CDH12: variants seen among roughly 807,000 people sequenced by gnomAD.
CDH12 encodes the protein cadherin-12.
In CDH12, 41 loss-of-function variants were observed where a neutral mutation model predicts 74.1. That is an observed-to-expected ratio of 0.55 (90% CI 0.43 to 0.72). CDH12 has a LOEUF of 0.72. Among genes scored for constraint, CDH12 ranks in the 30% least tolerant of loss-of-function variants. CDH12 has a pLI of 0.00. For missense variants in CDH12, 945 were observed against 977.2 expected (o/e 0.97, Z 0.44); for synonymous variants, 399 against 355.0 (o/e 1.12, Z -1.39).
At chr5:22,588,955 A>T (rs573533256) in intron 1 of CDH12, among the ~76,000 whole-genome samples, 85 of 152,280 alleles carry the variant, frequency 5.6e-4, no homozygotes, top group African/African-American at 1.9e-3. Context: ...TACTATCTTT[A>T]AAAAATAGTT....
chr5:22,382,268 T>C (rs1741796577), intron 3 of CDH12, among the ~76,000 whole-genome samples: 1 of 147,070 alleles, frequency 6.8e-6, no homozygotes, highest in Non-Finnish European at 1.5e-5. Flanking sequence ...ATAGAATACA[T>C]ATTATATATA....
chr5:22,232,102 C>CA (rs1752406055), intron 3 of CDH12, among the ~76,000 whole-genome samples: 1 of 151,658 alleles, frequency 6.6e-6, no homozygotes, highest in African/African-American at 2.4e-5. Flanking sequence ...TGTTTTATCA[C>CA]ATTTCATATA....
At chr5:22,581,706 A>G (rs1335138594) in intron 1 of CDH12, among the ~76,000 whole-genome samples, 1 of 152,214 alleles carries the variant, frequency 6.6e-6, no homozygotes, top group African/African-American at 2.4e-5. Context: ...ATGAGCCTGG[A>G]AAAACTGCAG....
At chr5:22,684,915 C>G (rs1378339913) in intron 1 of CDH12, among the ~76,000 whole-genome samples, 1 of 152,128 alleles carries the variant, frequency 6.6e-6, no homozygotes, top group Non-Finnish European at 1.5e-5. Context: ...CCAGACATGA[C>G]ACATGAGTTT....
At position 22,082,033 on chromosome 5, in the gene CDH12, A is replaced by G. The variant is rs181977112; in HGVS notation, c.-186-3171T>C. ...AACCAAGGATAGTACCGAAGCTGTT[A>G]TCTGTCAATCTGAACACATCTCTGT... On this transcript the variant is annotated intron_variant, in intron 4 of 14. Coordinates refer to ENST00000382254, the MANE Select transcript of CDH12 (RefSeq NM_004061.5). Among the ~76,000 whole-genome samples, 321 of 152,324 alleles carry G rather than the reference A, an allele frequency of 2.1e-3. 2 individuals are homozygous for G. Among genetic ancestry groups the G allele is most frequent in the Non-Finnish European group, 2.1e-3 (144 of 68,038 alleles).
rs115254189 is a variant in CDH12, at chr5:22,824,204, T to C, written c.-523+28854A>G. Among the ~76,000 whole-genome samples the C allele has an allele frequency of 4.6e-3, 706 of 152,258 alleles. 9 individuals are homozygous for C. Among genetic ancestry groups the C allele is most frequent in the African/African-American group, 0.016 (673 of 41,570 alleles). ...AAAGATTGTATACAAAGCAAAAATA[T>C]TCTTTACCAGTAGTAATGGTGAAAC... On this transcript the variant is annotated intron_variant, in intron 1 of 14. Coordinates refer to ENST00000382254, the MANE Select transcript of CDH12 (RefSeq NM_004061.5).
chr5:21,920,869 T>A (rs1467634924), intron 6 of CDH12, among the ~76,000 whole-genome samples: 1 of 151,914 alleles, frequency 6.6e-6, no homozygotes, highest in East Asian at 1.9e-4. Context: ...AGTAACTGAG[T>A]GAAACAGGAA....
chr5:21,965,278 C>T (rs1044196940), intron 6 of CDH12, among the ~76,000 whole-genome samples: 9 of 151,900 alleles, frequency 5.9e-5, no homozygotes, highest in East Asian at 1.9e-4. Flanking sequence ...ACAAAATGTA[C>T]GCTATTGATT....
At chr5:22,069,554 C>T (rs1469345361) in intron 5 of CDH12, among the ~76,000 whole-genome samples, 1 of 152,102 alleles carries the variant, frequency 6.6e-6, no homozygotes, top group Non-Finnish European at 1.5e-5. Flanking sequence ...CTATGCAGGT[C>T]TAGAGGTCTT....
At chr5:21,927,198 CA>C (rs1454259739) in intron 6 of CDH12, among the ~76,000 whole-genome samples, 1 of 151,998 alleles carries the variant, frequency 6.6e-6, no homozygotes, top group African/African-American at 2.4e-5. Context: ...AAATTATATG[CA>C]AGAGAGTGAA....
At chr5:21,901,371 T>C (rs1644914688) in intron 6 of CDH12, among the ~76,000 whole-genome samples, 1 of 152,192 alleles carries the variant, frequency 6.6e-6, no homozygotes, top group Non-Finnish European at 1.5e-5. Flanking sequence ...TAGGTCCATG[T>C]TACACATAAT....
At chr5:22,455,719 G>T (rs997134825) in intron 2 of CDH12, among the ~76,000 whole-genome samples, 1 of 152,058 alleles carries the variant, frequency 6.6e-6, no homozygotes, top group Admixed American at 6.6e-5. Context: ...ACACTAAGTG[G>T]GACCAAAGAG....
At chr5:21,867,134 C>A (rs940865073) in intron 6 of CDH12, among the ~76,000 whole-genome samples, 2 of 152,112 alleles carry the variant, frequency 1.3e-5, no homozygotes, top group Non-Finnish European at 1.5e-5. Flanking sequence ...AAGGGTGGAT[C>A]ACCTGATTTC....
chr5:21,792,029 T>G (rs964863260), intron 10 of CDH12, among the ~76,000 whole-genome samples: 1 of 151,960 alleles, frequency 6.6e-6, no homozygotes, highest in Non-Finnish European at 1.5e-5. Flanking sequence ...CAGGTCAAAG[T>G]AGAAAATGTT....
At chr5:22,674,826 T>C (rs552300275) in intron 1 of CDH12, among the ~76,000 whole-genome samples, 1 of 152,206 alleles carries the variant, frequency 6.6e-6, no homozygotes, top group South Asian at 2.1e-4. Flanking sequence ...CCCTAGAGAT[T>C]TGTGGAACTT....
intron 1 of CDH12, among the ~76,000 whole-genome samples, chr5:22,539,313 T>C (rs1284293750): frequency 1.3e-5 from 2 of 152,234 alleles, no homozygotes; most frequent in South Asian, 2.1e-4. Context: ...AGACACTTCA[T>C]GGAAGTGGGT....
chr5:22,742,784 A>AGG (rs1745093699), intron 1 of CDH12, among the ~76,000 whole-genome samples: 1 of 151,090 alleles, frequency 6.6e-6, no homozygotes, highest in Non-Finnish European at 1.5e-5. Flanking sequence ...ACATATATAT[A>AGG]TTCATATACA....
intron 1 of CDH12, among the ~76,000 whole-genome samples, chr5:22,713,645 G>A (rs1743413351): frequency 6.6e-6 from 1 of 152,010 alleles, no homozygotes; most frequent in Non-Finnish European, 1.5e-5. Flanking sequence ...TGGCATAATA[G>A]ATATGTAACA....
intron 5 of CDH12, among the ~76,000 whole-genome samples, chr5:22,014,523 G>T (rs1437123169): frequency 6.6e-6 from 1 of 152,086 alleles, no homozygotes; most frequent in Admixed American, 6.6e-5. Flanking sequence ...AATGAAGGTT[G>T]ATAGACATAA....
Sources: allele counts gnomAD v4.1 joint callset (sites outside exome capture counted in the v4.1 genomes callset), GRCh38; gene constraint gnomAD v4.1.1; transcripts MANE v1.5; gene names NCBI Gene and HGNC (gene_info 2026-07-23, HGNC 2026-07-21).